The following TTC28 variants were observed in gnomAD, a reference collection of about 807,000 sequenced individuals.
TTC28 encodes tetratricopeptide repeat protein 28.
A neutral mutation model predicts 198.0 loss-of-function variants in TTC28; 61 were observed. The observed-to-expected ratio is 0.31, with a 90% CI of 0.25 to 0.38. TTC28 has a LOEUF of 0.38. Ranked by LOEUF, TTC28 falls within the 10% of genes least tolerant of loss-of-function variation. The probability of loss-of-function intolerance (pLI) is 1.00; values close to 1 mark genes in which losing one functional copy is unlikely to be tolerated. For missense variants in TTC28, 2,678 were observed against 3,164.0 expected, an observed-to-expected ratio of 0.85 and a Z score of 3.69; for synonymous variants, 1,171 against 1,297.8, an observed-to-expected ratio of 0.90 and a Z score of 2.10.
At chr22:28,405,038 A>G (rs1027222725) in intron 2 of TTC28, among the ~76,000 whole-genome samples, 3 of 152,206 alleles carry the variant, frequency 2.0e-5, no homozygotes, top group African/African-American at 7.2e-5. Flanking sequence ...TTAATAAAGA[A>G]TTCTATCTTC....
Position 27,997,185 on chromosome 22 carries a change from G to A in TTC28, c.5120-926C>T, listed in dbSNP as rs1053450340. 2.0e-5 allele frequency among the ~76,000 whole-genome samples: 3 copies of A among 152,238 alleles called. No individual in the cohort carries two copies. The South Asian group carries it at 6.2e-4, about 31-fold the overall frequency. On this transcript the variant is annotated intron_variant, in intron 16 of 22. Transcript: ENST00000397906. ...CTCCTAAGCGCAGGAGGAGAGGCAGGTGAGCAGCCCTCCGTGCCTGCTTGT... is the reference window on the plus strand; with the variant it reads ...CTCCTAAGCGCAGGAGGAGAGGCAGATGAGCAGCCCTCCGTGCCTGCTTGT...
chr22:28,235,319 C>T (rs1349815086), intron 5 of TTC28, among the ~76,000 whole-genome samples: 1 of 152,186 alleles, frequency 6.6e-6, no homozygotes, highest in Non-Finnish European at 1.5e-5. Context: ...TCAACTCCAT[C>T]TAGGAAAGGA....
chr22:28,540,912 C>G (rs1473919239), intron 2 of TTC28, among the ~76,000 whole-genome samples: 1 of 152,174 alleles, frequency 6.6e-6, no homozygotes, highest in Non-Finnish European at 1.5e-5. Flanking sequence ...AGTCTTCACT[C>G]TTTATATCAA....
At chr22:28,016,125 CAGAGCA>C (rs1005921907) in intron 13 of TTC28, among the ~76,000 whole-genome samples, 2 of 152,118 alleles carry the variant, frequency 1.3e-5, no homozygotes, top group African/African-American at 4.8e-5. Context: ...GAGAGAAAAG[CAGAGCA>C]GCAGGACTTG....
chr22:28,133,996 C>T (rs768454365), intron 6 of TTC28, among the ~76,000 whole-genome samples: 11 of 152,176 alleles, frequency 7.2e-5, no homozygotes, highest in Non-Finnish European at 1.6e-4. Flanking sequence ...CGGCCAGGTA[C>T]CCCTCTGAGA....
intron 9 of TTC28, among the ~76,000 whole-genome samples, chr22:28,100,178 C>T (rs1942101587): frequency 6.6e-6 from 1 of 152,154 alleles, no homozygotes; most frequent in African/African-American, 2.4e-5. Context: ...AGACTACTTG[C>T]TTCTCGGCCT....
intron 2 of TTC28, among the ~76,000 whole-genome samples, chr22:28,609,373 T>C (rs774752515): frequency 9.2e-5 from 14 of 152,170 alleles, no homozygotes; most frequent in Non-Finnish European, 1.9e-4. Flanking sequence ...CATTTCCAAC[T>C]GAGGTACCTG....
chr22:28,092,049 A>G (rs531812165), intron 12 of TTC28, among the ~76,000 whole-genome samples: 2 of 152,306 alleles, frequency 1.3e-5, no homozygotes, highest in South Asian at 2.1e-4. Context: ...GATCTCTCAG[A>G]TGGTCCTCCT....
intron 5 of TTC28, among the ~76,000 whole-genome samples, chr22:28,280,459 C>T (rs961723240): frequency 6.6e-6 from 1 of 152,092 alleles, no homozygotes; most frequent in Non-Finnish European, 1.5e-5. Context: ...CTGCCTCAGC[C>T]TCCCAAGTAG....
At position 27,983,380 on chromosome 22, in the gene TTC28, G is replaced by T; in HGVS notation, c.6287C>A (p.Ser2096Ter). The T allele has an allele frequency of 6.4e-7, 1 of 1,551,218 alleles. No homozygotes were observed. ...GCTGATGCTCCCTTTGGAGCTCACCGAGACTCTCATGCCTCCGGCTGTCCC... is the reference window on the plus strand; with the variant it reads ...GCTGATGCTCCCTTTGGAGCTCACCTAGACTCTCATGCCTCCGGCTGTCCC... ...QPGTAGGMRVSVSSKGSISTP... is the reference protein window; with the variant it reads ...QPGTAGGMRV The change falls in exon 23 of 23, where the codon TCG becomes TAG. Residue 2096 changes from serine (S) to a stop codon, truncating the protein, a stop_gained. Coordinates refer to ENST00000397906, the MANE Select transcript of TTC28 (RefSeq NM_001145418.2). LOFTEE classifies it low-confidence loss of function (END_TRUNC).
At chr22:28,058,051 A>G (rs767050851) in intron 12 of TTC28, among the ~76,000 whole-genome samples, 1 of 151,740 alleles carries the variant, frequency 6.6e-6, no homozygotes, top group Non-Finnish European at 1.5e-5. Context: ...TTTTTCCCCC[A>G]GATTGCTTTG....
intron 5 of TTC28, among the ~76,000 whole-genome samples, chr22:28,262,743 T>C (rs1041044279): frequency 9.9e-5 from 15 of 152,150 alleles, no homozygotes; most frequent in Non-Finnish European, 1.6e-4. Context: ...CTCTCATTTA[T>C]TACATACATA....
intron 5 of TTC28, among the ~76,000 whole-genome samples, chr22:28,187,590 C>T (rs16986116): frequency 0.014 from 2,120 of 152,270 alleles, 67 homozygotes; most frequent in African/African-American, 0.049. Context: ...ACATTTCCCC[C>T]AGGATGCTTC....
chr22:28,578,653 T>C (rs1005087792), intron 2 of TTC28, among the ~76,000 whole-genome samples: 18 of 152,110 alleles, frequency 1.2e-4, no homozygotes, highest in Admixed American at 1.1e-3. Flanking sequence ...CTGAAGAGGA[T>C]AGGAAAGACA....
At chr22:28,179,220 T>C (rs1601434615) in intron 5 of TTC28, among the ~76,000 whole-genome samples, 1 of 151,210 alleles carries the variant, frequency 6.6e-6, no homozygotes, top group Non-Finnish European at 1.5e-5. Flanking sequence ...AGTGCAGTGG[T>C]GCAATCTCAG....
In TTC28 at chr22:28,294,123, A is replaced by G. The variant is rs191822100; in HGVS notation, c.933+2075T>C. 2.0e-3 allele frequency among the ~76,000 whole-genome samples: 306 copies of G among 152,320 alleles called. 1 individual carries two copies. Among genetic ancestry groups the G allele is most frequent in the African/African-American group, 7.1e-3 (296 of 41,586 alleles). ...CAGCCCTGGAGTCTATTACTTATAC[A>G]TAAGGAGAATATCCCAATAGGCAGG... is the stretch of plus-strand genomic sequence containing the variant. On this transcript the variant is annotated intron_variant, in intron 5 of 22. Transcript: ENST00000397906.
intron 1 of TTC28, among the ~76,000 whole-genome samples, chr22:28,660,875 C>A (rs2145694873): frequency 6.6e-6 from 1 of 151,834 alleles, no homozygotes; most frequent in African/African-American, 2.4e-5. Flanking sequence ...CCAGAATGGT[C>A]TCGAACTCCT....
intron 2 of TTC28, among the ~76,000 whole-genome samples, chr22:28,439,991 C>T (rs542535054): frequency 6.6e-6 from 1 of 152,232 alleles, no homozygotes; most frequent in African/African-American, 2.4e-5. Flanking sequence ...ACCGTCACTA[C>T]GACTGGCTAA....
intron 5 of TTC28, among the ~76,000 whole-genome samples, chr22:28,197,516 G>A (rs1287882575): frequency 2.6e-5 from 4 of 152,026 alleles, no homozygotes; most frequent in African/African-American, 4.8e-5. Flanking sequence ...GCAAATGTAA[G>A]TGATTACTTC....
Sources: allele counts gnomAD v4.1 joint callset (sites outside exome capture counted in the v4.1 genomes callset), GRCh38; gene constraint gnomAD v4.1.1; transcripts MANE v1.5; gene names NCBI Gene and HGNC (gene_info 2026-07-23, HGNC 2026-07-21).